The following L3MBTL4 variants were observed in gnomAD, a reference collection of about 807,000 sequenced individuals.
L3MBTL4 encodes the protein L3MBTL histone methyl-lysine binding protein 4.
In L3MBTL4, 70 loss-of-function variants were observed where a neutral mutation model predicts 84.5. The observed-to-expected ratio is 0.83, with a 90% confidence interval of 0.68 to 1.01. The LOEUF (loss-of-function observed/expected upper bound fraction) is 1.01, where lower values mean the gene tolerates loss of function less well. L3MBTL4 is among the 50% of genes least tolerant of loss of function. The probability of loss-of-function intolerance (pLI) is 0.00; values close to 1 mark genes in which losing one functional copy is unlikely to be tolerated. For missense variants in L3MBTL4, 715 were observed against 754.8 expected, an observed-to-expected ratio of 0.95 and a Z score of 0.62; for synonymous variants, 274 against 259.8, an observed-to-expected ratio of 1.05 and a Z score of -0.52.
intron 17 of L3MBTL4, among the ~76,000 whole-genome samples, chr18:5,964,296 C>A (rs1470837441): frequency 6.6e-6 from 1 of 152,238 alleles, no homozygotes; most frequent in Non-Finnish European, 1.5e-5. Flanking sequence ...GCCGACCTCA[C>A]TTCCCCCACG....
chr18:6,338,024 A>C (rs940766321), intron 1 of L3MBTL4, among the ~76,000 whole-genome samples: 2 of 152,190 alleles, frequency 1.3e-5, no homozygotes, highest in East Asian at 1.9e-4. Flanking sequence ...AAAACAAACC[A>C]AAAAAACCCT....
In L3MBTL4 at chr18:5,958,975, G is replaced by A. The variant is rs560794456; in HGVS notation, c.1677+1119C>T. Among the ~76,000 whole-genome samples, 16 of 152,236 alleles carry A rather than the reference G, an allele frequency of 1.1e-4. No individual in the cohort carries two copies. The South Asian group carries it at 2.1e-3, about 20-fold the overall frequency. On this transcript the variant is annotated intron_variant, in intron 18 of 18. Transcript: ENST00000317931. ...TGCAGAGTAGACTGTATGTGTGAAC[G>A]TGGCCAACTATGCCCAAGCCATGCT...
chr18:6,106,402 A>C (rs540737485), intron 14 of L3MBTL4, among the ~76,000 whole-genome samples: 11 of 152,202 alleles, frequency 7.2e-5, no homozygotes, highest in Non-Finnish European at 1.3e-4. Context: ...GAATACTTTG[A>C]GGGAATTTGA....
At chr18:6,280,620 A>G (rs1241369532) in intron 4 of L3MBTL4, among the ~76,000 whole-genome samples, 3 of 152,228 alleles carry the variant, frequency 2.0e-5, no homozygotes, top group African/African-American at 7.2e-5. Flanking sequence ...TTATCCTTAG[A>G]AACTGTGAAT....
At chr18:6,129,081 C>T (rs2059792385) in intron 14 of L3MBTL4, among the ~76,000 whole-genome samples, 1 of 152,000 alleles carries the variant, frequency 6.6e-6, no homozygotes, top group South Asian at 2.1e-4. Context: ...GAGATACATG[C>T]CTAAGAGATC....
chr18:6,021,266 A>T (rs1870406453), intron 16 of L3MBTL4, among the ~76,000 whole-genome samples: 1 of 152,210 alleles, frequency 6.6e-6, no homozygotes, highest in Admixed American at 6.5e-5. Context: ...AGCTCTGCAG[A>T]GGCAAAGGAA....
chr18:6,234,739 C>T (rs917503799), intron 10 of L3MBTL4, among the ~76,000 whole-genome samples: 2 of 152,160 alleles, frequency 1.3e-5, no homozygotes, highest in Admixed American at 6.5e-5. Flanking sequence ...CTAGTTCAAC[C>T]ATTGTGGAAG....
chr18:6,384,196 G>A (rs974090908), intron 1 of L3MBTL4, among the ~76,000 whole-genome samples: 10 of 152,116 alleles, frequency 6.6e-5, no homozygotes, highest in African/African-American at 2.4e-4. Context: ...GTAGGCAGAG[G>A]CCTTCCCCAC....
rs1319300748 is a variant in L3MBTL4 at position 5,955,591 on chromosome 18, G to A, written c.*629C>T. 6.6e-6 allele frequency: 1 copy of A among 152,234 alleles called. No individual in the cohort carries two copies. The highest frequency in any genetic ancestry group is 6.5e-5 in the Admixed American group (1 of 15,286). The allele number at this position is 152,234 out of a possible 1,614,324, so 9.4% of individuals were successfully genotyped here. A position where few individuals can be genotyped will look rare whatever the true frequency, so the allele number is the denominator to read the frequency against. ...CTACTCTCCTTTGTGGAGGCTCCAG[G>A]AAAGCTTGGGAGCACAACCAAGAAA... On this transcript the variant is annotated 3_prime_UTR_variant, in exon 19 of 19. Transcript: ENST00000317931.
intron 12 of L3MBTL4, among the ~76,000 whole-genome samples, chr18:6,172,270 G>A (rs2044010125): frequency 6.6e-6 from 1 of 152,158 alleles, no homozygotes; most frequent in Non-Finnish European, 1.5e-5. Context: ...TTTGTCCTGA[G>A]CGACTGTCCT....
intron 14 of L3MBTL4, among the ~76,000 whole-genome samples, chr18:6,099,778 A>G (rs762712688): frequency 1.5e-4 from 22 of 151,256 alleles, no homozygotes; most frequent in Non-Finnish European, 2.7e-4. Context: ...AATTTAGTAC[A>G]CACAGAGTAA....
At chr18:6,045,759 A>G (rs1457088182) in intron 16 of L3MBTL4, among the ~76,000 whole-genome samples, 3 of 152,158 alleles carry the variant, frequency 2.0e-5, no homozygotes, top group Non-Finnish European at 2.9e-5. Flanking sequence ...AAATTAAAGA[A>G]CAATATCTTC....
At chr18:6,075,790 A>C (rs2057838539) in intron 16 of L3MBTL4, among the ~76,000 whole-genome samples, 1 of 152,338 alleles carries the variant, frequency 6.6e-6, no homozygotes, top group African/African-American at 2.4e-5. Flanking sequence ...ATTGATCCAA[A>C]GAACTCCTAC....
At chr18:5,982,536 C>T (rs661213) in intron 16 of L3MBTL4, among the ~76,000 whole-genome samples, 56,880 of 152,004 alleles carry the variant, frequency 0.37, 12,417 homozygotes, top group East Asian at 0.93. Context: ...GACAGAGCCA[C>T]TCAGAAGCCT....
At chr18:6,195,704 AT>A (rs1220797183) in intron 12 of L3MBTL4, among the ~76,000 whole-genome samples, 1 of 152,196 alleles carries the variant, frequency 6.6e-6, no homozygotes, top group East Asian at 1.9e-4. Context: ...AGCGGAAAAC[AT>A]TTTTAGAATC....
At chr18:6,167,474 C>T (rs1051978227) in intron 13 of L3MBTL4, among the ~76,000 whole-genome samples, 7 of 152,272 alleles carry the variant, frequency 4.6e-5, no homozygotes, top group South Asian at 2.1e-4. Context: ...AAAAGCTTAT[C>T]CACCATGATC....
At chr18:6,021,237 T>C (rs2055238538) in intron 16 of L3MBTL4, among the ~76,000 whole-genome samples, 1 of 152,190 alleles carries the variant, frequency 6.6e-6, no homozygotes, top group Non-Finnish European at 1.5e-5. Context: ...TAGCCTGCTG[T>C]AGGCTGAGGG....
chr18:6,168,956 T>G (rs1598990541), intron 13 of L3MBTL4, among the ~76,000 whole-genome samples: 1 of 152,124 alleles, frequency 6.6e-6, no homozygotes, highest in Non-Finnish European at 1.5e-5. Flanking sequence ...ATCCAGAATC[T>G]ACAATGAACT....
intron 14 of L3MBTL4, among the ~76,000 whole-genome samples, chr18:6,132,779 C>A (rs533359794): frequency 6.6e-6 from 1 of 152,086 alleles, no homozygotes; most frequent in Non-Finnish European, 1.5e-5. Context: ...AGAGAAGCTG[C>A]TGGAACAAAG....
Sources: allele counts gnomAD v4.1 joint callset (sites outside exome capture counted in the v4.1 genomes callset), GRCh38; gene constraint gnomAD v4.1.1; transcripts MANE v1.5; gene names NCBI Gene and HGNC (gene_info 2026-07-23, HGNC 2026-07-21).